ZNF517: variants seen among roughly 807,000 people sequenced by gnomAD.
ZNF517 encodes the protein zinc finger protein 517.
ZNF517 carries 12 observed loss-of-function variants against 12.1 expected under a neutral mutation model. The ratio of observed to expected loss-of-function variants is 0.99; its 90% CI spans 0.63 to 1.61. ZNF517 has a LOEUF of 1.61. Ranked by LOEUF, ZNF517 falls within the 40% of genes most tolerant of loss-of-function variation. The pLI is 0.00. For missense variants in ZNF517, 781 were observed against 693.2 expected, an observed-to-expected ratio of 1.13 and a Z score of -1.42; for synonymous variants, 388 against 310.2, an observed-to-expected ratio of 1.25 and a Z score of -2.63.
intron 4 of ZNF517, among the ~76,000 whole-genome samples, chr8:144,805,326 A>AGAT (rs1465174287): frequency 6.6e-5 from 10 of 152,156 alleles, no homozygotes; most frequent in Non-Finnish European, 1.3e-4. Context: ...TGTAGAACAG[A>AGAT]GATTATTATT....
At chr8:144,802,351 G>A (rs1827007229) in intron 1 of ZNF517, among the ~76,000 whole-genome samples, 1 of 152,240 alleles carries the variant, frequency 6.6e-6, no homozygotes, top group African/African-American at 2.4e-5. Context: ...ACTCCAGCCT[G>A]GGCGACAGAG....
chr8:144,803,923 C>T, intron 3 of ZNF517, 156 bp downstream of exon 3: 1 of 1,217,464 alleles, frequency 8.2e-7, no homozygotes, highest in Non-Finnish European at 1.1e-6. Context: ...TGGGCACCCA[C>T]TGCCAGCGTC....
Position 144,807,461 on chromosome 8 carries a change from G to A in ZNF517, c.545G>A (p.Cys182Tyr). 1 of 1,578,226 alleles carries A rather than the reference G, an allele frequency of 6.3e-7. No homozygotes were observed. The highest frequency in any genetic ancestry group is 8.6e-7 in the Non-Finnish European group (1 of 1,162,620). Residue 182 changes from cysteine to tyrosine, a missense_variant, in exon 5 of 5, where the codon TGC becomes TAC. By Grantham distance (194) the Cys-to-Tyr change is radical. Coordinates refer to ENST00000359971, the MANE Select transcript of ZNF517 (RefSeq NM_213605.3). Reference sequence around the variant, plus strand: ...TCAGCCCCCCGCTACAGGTGCGTGTGCGGCAAGGCGTTCAGATACAACTCG... The same window carrying A: ...TCAGCCCCCCGCTACAGGTGCGTGTACGGCAAGGCGTTCAGATACAACTCG... ...GSSAPRYRCV[C>Y]GKAFRYNSLL...
downstream of ZNF517, chr8:144,810,328 C>A: frequency 1.8e-6 from 1 of 551,538 alleles, no homozygotes; most frequent in Admixed American, 2.8e-5. Context: ...GGGGTGGGAA[C>A]ATGCAGACCT....
At chr8:144,802,778 T>C in intron 1 of ZNF517, 92 bp from the exon 2 acceptor site, 1 of 1,564,726 alleles carries the variant, frequency 6.4e-7, no homozygotes, top group South Asian at 1.2e-5. Flanking sequence ...CTTTACCCTC[T>C]CCTGCTCCCT....
At chr8:144,799,787 A>G (rs1161353100) in intron 1 of ZNF517, among the ~76,000 whole-genome samples, 2 of 152,114 alleles carry the variant, frequency 1.3e-5, no homozygotes, top group East Asian at 3.9e-4. Flanking sequence ...AAAAATACAA[A>G]AAATTAGCCG....
Position 144,809,321 on chromosome 8 carries a change from G to C in ZNF517, c.*926G>C, listed in dbSNP as rs1186273318. 6.6e-6 allele frequency: 1 copy of C among 152,076 alleles called. No homozygotes were observed. The highest frequency in any genetic ancestry group is 2.4e-5 in the African/African-American group (1 of 41,356). 9.4% of individuals were successfully genotyped at this position (152,076 alleles called of 1,614,324 possible). ...TTCTCCCACCTTAGCCTCCTGAGTA[G>C]CTGGGACTAAGGCACACACACTGTA... On this transcript the variant is annotated 3_prime_UTR_variant, in exon 5 of 5. Transcript: ENST00000359971.
At chr8:144,802,422 C>A (rs1295135080) in intron 1 of ZNF517, among the ~76,000 whole-genome samples, 3 of 152,216 alleles carry the variant, frequency 2.0e-5, no homozygotes, top group Non-Finnish European at 1.5e-5. Context: ...ACGCTTTGTT[C>A]ATTTCATAAA....
At position 144,807,631 on chromosome 8, in the gene ZNF517, G is replaced by C; in HGVS notation, c.715G>C (p.Gly239Arg). The C allele has an allele frequency of 1.9e-6, 3 of 1,610,140 alleles. No homozygotes were observed. Among genetic ancestry groups the C allele is most frequent in the Non-Finnish European group, 2.5e-6 (3 of 1,179,128 alleles). Reference sequence around the variant, plus strand: ...GAAGCCGTTCCAGTGCGGCGAGTGCGGGAAGGCCTTCCGGCAGAGCACGCA... The same window carrying C: ...GAAGCCGTTCCAGTGCGGCGAGTGCCGGAAGGCCTTCCGGCAGAGCACGCA... Reference protein sequence around the residue: ...EEKPFQCGECGKAFRQSTQLA... With the variant: ...EEKPFQCGECRKAFRQSTQLA... The change falls in exon 5 of 5, where the codon GGG becomes CGG. Residue 239 changes from glycine to arginine, a missense_variant. By Grantham distance (125) the Gly-to-Arg change is moderately radical. Transcript: ENST00000359971.
downstream of ZNF517, among the ~76,000 whole-genome samples, chr8:144,813,315 CAAA>C (rs55851018): frequency 0.45 from 46,400 of 103,552 alleles, 7,525 homozygotes; most frequent in East Asian, 0.61. Flanking sequence ...GACTCTGTCT[CAAA>C]AAAAAAAAAA....
chr8:144,813,430 G>A (rs893232107), downstream of ZNF517, among the ~76,000 whole-genome samples: 7 of 151,796 alleles, frequency 4.6e-5, no homozygotes, highest in African/African-American at 1.7e-4. Flanking sequence ...GTCATCTCAT[G>A]TTCATGGATT....
At chr8:144,803,493 T>G in intron 2 of ZNF517, 148 bp from the exon 3 acceptor site, 11 of 997,126 alleles carry the variant, frequency 1.1e-5, no homozygotes, top group South Asian at 3.3e-5. Flanking sequence ...ACTCGGGGGG[T>G]GTTGGGCTGC....
chr8:144,812,828 C>T (rs149601599), downstream of ZNF517, among the ~76,000 whole-genome samples: 55 of 152,264 alleles, frequency 3.6e-4, no homozygotes, highest in African/African-American at 1.1e-3. Context: ...TTGCATTCAA[C>T]GTGATCTTAT....
chr8:144,807,585 C>T lies in ZNF517; in HGVS notation c.669C>T (p.His223=), dbSNP rs768192100. Residue 223 remains histidine, a synonymous_variant, in exon 5 of 5, where the codon CAC becomes CAT. Coordinates refer to ENST00000359971, the MANE Select transcript of ZNF517 (RefSeq NM_213605.3). ...AGCAAAGCTCCATCCTGCTGCGGCA[C>T]CAGCTGATCCACACTGAGGAGAAGC... The part of the protein sequence containing the change: ...AFKQSSILLR[H]QLIHTEEKPF... 22 of 1,605,114 alleles carry T rather than the reference C, an allele frequency of 1.4e-5. No individual in the cohort carries two copies. Among genetic ancestry groups the T allele is most frequent in the Non-Finnish European group, 1.3e-5 (15 of 1,176,392 alleles).
intron 4 of ZNF517, among the ~76,000 whole-genome samples, chr8:144,805,364 T>C (rs1221995723): frequency 1.3e-5 from 2 of 152,210 alleles, no homozygotes; most frequent in Non-Finnish European, 2.9e-5. Flanking sequence ...GGAGTCTCGC[T>C]CTGTCGCCCA....
intron 2 of ZNF517, 86 bp from the exon 3 acceptor site, chr8:144,803,555 C>T: frequency 6.4e-7 from 1 of 1,558,620 alleles, no homozygotes; most frequent in Non-Finnish European, 8.8e-7. Flanking sequence ...AGGAGAGAGG[C>T]CTCTAGCAGA....
In ZNF517 at chr8:144,808,351, G is replaced by T; in HGVS notation, c.1435G>T (p.Gly479Trp). 1.4e-6 allele frequency: 2 copies of T among 1,473,752 alleles called. No individual in the cohort carries two copies. Among genetic ancestry groups the T allele is most frequent in the East Asian group, 2.5e-5 (1 of 40,650 alleles). The allele number at this position is 1,473,752 out of a possible 1,614,324, so 91.3% of individuals were successfully genotyped here. Residue 479 changes from glycine (G) to tryptophan (W), a missense_variant, in exon 5 of 5, where the codon GGG becomes TGG. Coordinates refer to ENST00000359971, the MANE Select transcript of ZNF517 (RefSeq NM_213605.3). ...QHQKVHGREP[G>W]EDTEGRRAPC... Reference sequence around the variant, plus strand: ...CCAGAAGGTGCACGGCCGCGAGCCCGGGGAGGACACAGAGGGCAGGCGGGC... The same window carrying T: ...CCAGAAGGTGCACGGCCGCGAGCCCTGGGAGGACACAGAGGGCAGGCGGGC...
At position 144,803,782 on chromosome 8, in the gene ZNF517, C is replaced by G; in HGVS notation, c.160+15C>G. On this transcript the variant is annotated intron_variant, in intron 3 of 4. Coordinates refer to ENST00000359971, the MANE Select transcript of ZNF517 (RefSeq NM_213605.3). ...GGCCTCACTAGGTGAGGGCTTCTGC[C>G]TTTGGTCCTGGGGCCGGGAGGTGCG... The G allele has an allele frequency of 6.2e-7, 1 of 1,611,510 alleles. No individual in the cohort carries two copies. The highest frequency in any genetic ancestry group is 8.5e-7 in the Non-Finnish European group (1 of 1,178,284).
chr8:144,803,881 G>A, intron 3 of ZNF517, 114 bp downstream of exon 3: 2 of 1,439,004 alleles, frequency 1.4e-6, no homozygotes, highest in Non-Finnish European at 1.9e-6. Flanking sequence ...GGAAGCTGGA[G>A]GCTCCCCAAG....
Sources: gnomAD v4.1 joint callset for allele counts (sites outside exome capture counted in the v4.1 genomes callset) on GRCh38, gnomAD v4.1.1 for gene constraint, MANE v1.5 for transcripts, NCBI Gene and HGNC (gene_info 2026-07-23, HGNC 2026-07-21) for gene names.